The following KLF12 variants were observed in gnomAD, a reference collection of about 807,000 sequenced individuals.
The protein encoded by KLF12 is Krueppel-like factor 12.
A neutral mutation model predicts 37.8 loss-of-function variants in KLF12; 9 were observed. The ratio of observed to expected loss-of-function variants is 0.24; its 90% CI spans 0.14 to 0.42. The LOEUF (loss-of-function observed/expected upper bound fraction) is 0.42, where lower values mean the gene tolerates loss of function less well. KLF12 is among the 10% of genes least tolerant of loss of function. KLF12 has a pLI of 1.00. For missense variants in KLF12, 411 were observed against 516.0 expected (o/e 0.80, Z 1.97); for synonymous variants, 208 against 202.1 (o/e 1.03, Z -0.25).
At chr13:73,752,418 C>A (rs1878826260) in intron 6 of KLF12, among the ~76,000 whole-genome samples, 1 of 92,024 alleles carries the variant, frequency 1.1e-5, no homozygotes, top group Non-Finnish European at 2.3e-5. Context: ...CACACCCACA[C>A]CACACACATG....
chr13:73,810,786 C>G (rs1006195122), intron 5 of KLF12, among the ~76,000 whole-genome samples: 3 of 151,924 alleles, frequency 2.0e-5, no homozygotes, highest in Non-Finnish European at 4.4e-5. Flanking sequence ...AGAACACAGA[C>G]TCCTCAATTT....
intron 7 of KLF12, among the ~76,000 whole-genome samples, chr13:73,703,494 T>C (rs1874706315): frequency 6.6e-6 from 1 of 152,178 alleles, no homozygotes; most frequent in Admixed American, 6.5e-5. Flanking sequence ...TCCATCCTAC[T>C]GAATTGCCTG....
chr13:73,880,633 A>G (rs1044096417), intron 3 of KLF12, among the ~76,000 whole-genome samples: 1 of 152,196 alleles, frequency 6.6e-6, no homozygotes, highest in African/African-American at 2.4e-5. Flanking sequence ...AAGCAAAACA[A>G]ACATGTGGTA....
At chr13:73,871,899 A>T (rs1886488883) in intron 3 of KLF12, among the ~76,000 whole-genome samples, 1 of 152,178 alleles carries the variant, frequency 6.6e-6, no homozygotes, top group Non-Finnish European at 1.5e-5. Flanking sequence ...GTTTCGAATG[A>T]CATTCAATAA....
the KLF12 span, among the ~76,000 whole-genome samples, chr13:74,277,263 T>C: frequency 2.6e-5 from 4 of 152,222 alleles, no homozygotes; most frequent in Non-Finnish European, 4.4e-5. Context: ...CTTCTGCTAC[T>C]ATATCTTTCT....
the KLF12 span, among the ~76,000 whole-genome samples, chr13:74,287,938 C>T: frequency 1.3e-5 from 2 of 152,178 alleles, no homozygotes; most frequent in African/African-American, 4.8e-5. Flanking sequence ...CAGTAACCTT[C>T]CTTTACCTCC....
At chr13:74,272,862 C>T in the KLF12 span, among the ~76,000 whole-genome samples, 1 of 152,156 alleles carries the variant, frequency 6.6e-6, no homozygotes, top group East Asian at 1.9e-4. Context: ...CAGGAAAGAC[C>T]TTGGTATGCT....
chr13:74,066,995 G>A (rs868402017), intron 1 of KLF12, among the ~76,000 whole-genome samples: 24 of 152,164 alleles, frequency 1.6e-4, no homozygotes, highest in African/African-American at 5.3e-4. Context: ...CCTGGGCAGG[G>A]GCTTGGGGAC....
At chr13:74,140,313 A>G in the KLF12 span, among the ~76,000 whole-genome samples, 3 of 152,172 alleles carry the variant, frequency 2.0e-5, no homozygotes, top group Admixed American at 6.5e-5. Flanking sequence ...GCTTGAGGCC[A>G]TAAGTTCGAA....
rs1873685732 is a variant in KLF12, at chr13:73,689,341, C to T, written c.*6149G>A. On this transcript the variant is annotated 3_prime_UTR_variant, in exon 8 of 8. Coordinates refer to ENST00000377669, the MANE Select transcript of KLF12 (RefSeq NM_007249.5). ...TGAGTCCATCATGGAAGTCTAAAGC[C>T]TGAATGTTTAATCACAGTCCTACTT... The T allele has an allele frequency of 6.6e-6, 1 of 152,014 alleles. No individual in the cohort carries two copies. The highest frequency in any genetic ancestry group is 1.5e-5 in the Non-Finnish European group (1 of 68,008). The allele number at this position is 152,014 out of a possible 1,614,324, so 9.4% of individuals were successfully genotyped here.
intron 4 of KLF12, among the ~76,000 whole-genome samples, chr13:73,829,580 G>A (rs1270340667): frequency 6.6e-6 from 1 of 152,044 alleles, no homozygotes; most frequent in Non-Finnish European, 1.5e-5. Flanking sequence ...CATAAATAAG[G>A]TCTAGTACCA....
the KLF12 span, chr13:74,231,653 C>T: frequency 2.6e-5 from 4 of 152,110 alleles, no homozygotes; most frequent in East Asian, 3.9e-4. Flanking sequence ...TCTGTGAAGG[C>T]CAAGCATTTA....
chr13:73,686,144 T>C lies in KLF12; in HGVS notation c.*9346A>G, dbSNP rs1310605987. On this transcript the variant is annotated 3_prime_UTR_variant, in exon 8 of 8. Transcript: ENST00000377669. ...CTTCATGCCTTCATTCAGATAATTATACAAATGCATACAGTTAAAGGTTTA... is the reference window on the plus strand; with the variant it reads ...CTTCATGCCTTCATTCAGATAATTACACAAATGCATACAGTTAAAGGTTTA... The C allele has an allele frequency of 6.6e-6, 1 of 152,640 alleles. No individual in the cohort carries two copies. The highest frequency in any genetic ancestry group is 1.5e-5 in the Non-Finnish European group (1 of 68,030). 9.5% of individuals were successfully genotyped at this position (152,640 alleles called of 1,614,324 possible).
upstream of KLF12, among the ~76,000 whole-genome samples, chr13:74,136,874 C>A (rs543844575): frequency 1.3e-5 from 2 of 151,818 alleles, no homozygotes; most frequent in South Asian, 4.2e-4. Flanking sequence ...AAGGCAACTT[C>A]CTAGCTATGA....
At chr13:74,170,715 G>T in the KLF12 span, among the ~76,000 whole-genome samples, 52 of 152,252 alleles carry the variant, frequency 3.4e-4, no homozygotes, top group African/African-American at 1.1e-3. Context: ...AAAAAGGGTG[G>T]TATGAGAGAG....
chr13:74,089,044 T>C (rs1875491457), intron 1 of KLF12, among the ~76,000 whole-genome samples: 1 of 152,210 alleles, frequency 6.6e-6, no homozygotes, highest in Non-Finnish European at 1.5e-5. Flanking sequence ...ATTTCTAGAA[T>C]TCTGATGCGT....
the KLF12 span, among the ~76,000 whole-genome samples, chr13:74,143,132 G>A: frequency 6.4e-5 from 9 of 139,868 alleles, no homozygotes; most frequent in South Asian, 2.3e-4. Flanking sequence ...CCTCCTCCTC[G>A]TCCTATTCCG....
At chr13:74,112,639 T>A (rs900257002) in intron 1 of KLF12, among the ~76,000 whole-genome samples, 2 of 152,160 alleles carry the variant, frequency 1.3e-5, no homozygotes, top group Non-Finnish European at 2.9e-5. Context: ...TCTAAGACAG[T>A]GAACTTGATA....
At chr13:74,053,334 T>C (rs1873037719) in intron 1 of KLF12, among the ~76,000 whole-genome samples, 1 of 152,232 alleles carries the variant, frequency 6.6e-6, no homozygotes, top group Admixed American at 6.5e-5. Flanking sequence ...CATTAAACTA[T>C]AAAAATCATG....
Sources: gnomAD v4.1 joint callset for allele counts (sites outside exome capture counted in the v4.1 genomes callset) on GRCh38, gnomAD v4.1.1 for gene constraint, MANE v1.5 for transcripts, NCBI Gene and HGNC (gene_info 2026-07-23, HGNC 2026-07-21) for gene names.